Variants in HPCAL1 observed in about 807,000 individuals in gnomAD.
HPCAL1 encodes hippocalcin like 1.
Under a neutral mutation model 17.1 loss-of-function variants are expected in HPCAL1, and 8 were observed. The ratio of observed to expected loss-of-function variants is 0.47; its 90% confidence interval spans 0.27 to 0.84. The LOEUF is 0.84. Ranked by LOEUF, HPCAL1 falls within the 40% of genes least tolerant of loss-of-function variation. The pLI is 0.13. For synonymous variants in HPCAL1, 112 were observed against 111.4 expected, an observed-to-expected ratio of 1.01 and a Z score of -0.03; for missense variants, 165 against 271.1, an observed-to-expected ratio of 0.61 and a Z score of 2.75.
intron 1 of HPCAL1, among the ~76,000 whole-genome samples, chr2:10,393,746 C>A: frequency 6.6e-6 from 1 of 152,146 alleles, no homozygotes; most frequent in Admixed American, 6.5e-5. Context: ...TGCTCACCTG[C>A]TCCAGCTGGG....
chr2:10,313,787 T>A (rs1204785383), intron 1 of HPCAL1, among the ~76,000 whole-genome samples: 1 of 152,162 alleles, frequency 6.6e-6, no homozygotes, highest in Non-Finnish European at 1.5e-5. Context: ...TGTAGGTACA[T>A]CCAACATAGA....
At chr2:10,368,830 G>A (rs1308856318) in intron 1 of HPCAL1, 1 of 152,184 alleles carries the variant, frequency 6.6e-6, no homozygotes, top group East Asian at 1.9e-4. Context: ...GGCATTTCAG[G>A]AATTGAATTA....
intron 1 of HPCAL1, among the ~76,000 whole-genome samples, chr2:10,318,796 G>GT (rs1663486363): frequency 6.6e-6 from 1 of 152,148 alleles, no homozygotes; most frequent in Admixed American, 6.5e-5. Context: ...AATGGGTAGT[G>GT]AACAGGCCAT....
intron 1 of HPCAL1, among the ~76,000 whole-genome samples, chr2:10,336,890 A>G (rs1199950630): frequency 1.3e-5 from 2 of 152,088 alleles, no homozygotes; most frequent in Non-Finnish European, 2.9e-5. Flanking sequence ...GACTATAGGT[A>G]TGCACCACCA....
chr2:10,410,013 C>T (rs1427302398), intron 2 of HPCAL1, among the ~76,000 whole-genome samples: 12 of 149,778 alleles, frequency 8.0e-5, no homozygotes, highest in African/African-American at 2.9e-4. Context: ...TGGTCTTGAA[C>T]TCCTGAGCTC....
intron 1 of HPCAL1, among the ~76,000 whole-genome samples, chr2:10,360,370 CAG>C (rs1474288836): frequency 6.6e-6 from 1 of 152,096 alleles, no homozygotes; most frequent in Non-Finnish European, 1.5e-5. Context: ...AAATGGAAAA[CAG>C]AAACAGAACA....
At chr2:10,340,525 G>T (rs919135418) in intron 1 of HPCAL1, among the ~76,000 whole-genome samples, 1 of 152,194 alleles carries the variant, frequency 6.6e-6, no homozygotes, top group Admixed American at 6.5e-5. Context: ...GTAGGAGGGC[G>T]CAGGAACATC....
chr2:10,370,005 C>G (rs376035966), intron 1 of HPCAL1, among the ~76,000 whole-genome samples: 1 of 152,246 alleles, frequency 6.6e-6, no homozygotes, highest in African/African-American at 2.4e-5. Context: ...GCCCACTTAT[C>G]TTCAAGAAAT....
At chr2:10,391,039 C>T (rs1668658496) in intron 1 of HPCAL1, among the ~76,000 whole-genome samples, 1 of 152,190 alleles carries the variant, frequency 6.6e-6, no homozygotes, top group Non-Finnish European at 1.5e-5. Flanking sequence ...TACCCGATGC[C>T]CAGCACTAAT....
At chr2:10,415,154 C>A (rs1670583841) in intron 2 of HPCAL1, among the ~76,000 whole-genome samples, 1 of 152,204 alleles carries the variant, frequency 6.6e-6, no homozygotes, top group African/African-American at 2.4e-5. Flanking sequence ...GTGGGTCAAC[C>A]CCTGCCTGGT....
chr2:10,392,863 T>A (rs887814876), intron 1 of HPCAL1, among the ~76,000 whole-genome samples: 3 of 151,784 alleles, frequency 2.0e-5, no homozygotes, highest in Non-Finnish European at 2.9e-5. Flanking sequence ...GGAGGTGGGG[T>A]CGGAAGGGCC....
rs569754408 is a variant in HPCAL1, at chr2:10,367,929, C to T, written c.-110-28906C>T. 2.0e-5 allele frequency among the ~76,000 whole-genome samples: 3 copies of T among 151,976 alleles called. No individual in the cohort carries two copies. The highest frequency in any genetic ancestry group is 4.8e-5 in the African/African-American group (2 of 41,460). The stretch of plus-strand genomic sequence containing the variant: ...GTGTATGTGCGTGTGTGCCCATATG[C>T]GTGTGTAGGTGTGTGCATATGTGTA... On this transcript the variant is annotated intron_variant, in intron 1 of 4. Transcript: ENST00000307845. This position sits in a 1 kb window ranked among gnomAD's most constrained non-coding sequence, Gnocchi z 4.4.
chr2:10,386,162 T>C (rs2125550507), intron 1 of HPCAL1, among the ~76,000 whole-genome samples: 1 of 152,344 alleles, frequency 6.6e-6, no homozygotes, highest in South Asian at 2.1e-4. Flanking sequence ...GCCTCCCTGA[T>C]GTCGGTTTAG....
In HPCAL1 at chr2:10,318,887, C is replaced by T. The variant is rs184374799; in HGVS notation, c.-111+15710C>T. 8.6e-4 allele frequency among the ~76,000 whole-genome samples: 131 copies of T among 152,316 alleles called. 1 individual carries two copies. Among genetic ancestry groups the T allele is most frequent in the Admixed American group, 9.1e-4 (14 of 15,306 alleles). On this transcript the variant is annotated intron_variant, in intron 1 of 4. Transcript: ENST00000307845. ...CTCCCTGAAGCTTGAATAGCACCCA[C>T]CCGTGCCTTCTCCATGCCAGCCCTT...
rs1177104883 is a variant in HPCAL1, at chr2:10,403,452, TTTTG to T, written c.-25+6534_-25+6537del. ...ATGATGCCCTCATAACAAAGAGTTCTTTTGTGTGTGTGTGTGTGTGTGTGTGTGT... is the reference window on the plus strand; with the variant it reads ...ATGATGCCCTCATAACAAAGAGTTCTTGTGTGTGTGTGTGTGTGTGTGTGT... On this transcript the variant is annotated intron_variant, in intron 2 of 4. Coordinates refer to ENST00000307845, the MANE Select transcript of HPCAL1 (RefSeq NM_002149.4). Among the ~76,000 whole-genome samples, 932 of 144,374 alleles carry T rather than the reference TTTTG, an allele frequency of 6.5e-3. 22 individuals carry two copies. The highest frequency in any genetic ancestry group is 0.03 in the East Asian group (143 of 4,766). The allele number at this position is 144,374 out of a possible 152,430, so 94.7% of individuals were successfully genotyped here. A position where few individuals can be genotyped will look rare whatever the true frequency, so the allele number is the denominator to read the frequency against.
intron 2 of HPCAL1, among the ~76,000 whole-genome samples, chr2:10,400,531 G>C (rs1271175574): frequency 6.6e-6 from 1 of 152,198 alleles, no homozygotes; most frequent in African/African-American, 2.4e-5. Context: ...AGAGCCATCT[G>C]AGCGGCCTTT....
chr2:10,415,450 G>A (rs1030290215), intron 2 of HPCAL1, among the ~76,000 whole-genome samples: 1 of 152,108 alleles, frequency 6.6e-6, no homozygotes, highest in Non-Finnish European at 1.5e-5. Context: ...TGTTCTATCA[G>A]TTTGGGGGTT....
intron 1 of HPCAL1, among the ~76,000 whole-genome samples, chr2:10,347,432 CT>C (rs1426800961): frequency 6.6e-6 from 1 of 152,198 alleles, no homozygotes; most frequent in African/African-American, 2.4e-5. Flanking sequence ...GTCACTTCGC[CT>C]AAGTTCCAGC....
chr2:10,413,439 C>T (rs978661679), intron 2 of HPCAL1, among the ~76,000 whole-genome samples: 1 of 152,248 alleles, frequency 6.6e-6, no homozygotes, highest in African/African-American at 2.4e-5. Flanking sequence ...TGTCCATTCA[C>T]CCAACACAGA....
Sources: allele counts gnomAD v4.1 joint callset (sites outside exome capture counted in the v4.1 genomes callset), GRCh38; gene constraint gnomAD v4.1.1; non-coding constraint Gnocchi (gnomAD v3.1); transcripts MANE v1.5; gene names NCBI Gene and HGNC (gene_info 2026-07-23, HGNC 2026-07-21).